CCDC80: variants seen among roughly 807,000 people sequenced by gnomAD.
CCDC80 encodes coiled-coil domain containing 80.
A neutral mutation model predicts 78.7 loss-of-function variants in CCDC80; 49 were observed. The ratio of observed to expected loss-of-function variants is 0.62; its 90% CI spans 0.50 to 0.79. The LOEUF (loss-of-function observed/expected upper bound fraction) is 0.79. CCDC80 is among the 30% of genes least tolerant of loss of function. The pLI is 0.00. For synonymous variants in CCDC80, 488 were observed against 447.0 expected, an observed-to-expected ratio of 1.09 and a Z score of -1.16; for missense variants, 1,205 against 1,198.6, an observed-to-expected ratio of 1.01 and a Z score of -0.08.
intron 3 of CCDC80, among the ~76,000 whole-genome samples, chr3:112,619,720 A>T (rs1935824267): frequency 6.6e-6 from 1 of 152,216 alleles, no homozygotes; most frequent in Non-Finnish European, 1.5e-5. Flanking sequence ...TGGAAATTTT[A>T]AATCACTATA....
chr3:112,611,145 C>T (rs913489243), intron 5 of CCDC80, among the ~76,000 whole-genome samples: 4 of 152,094 alleles, frequency 2.6e-5, no homozygotes, highest in Non-Finnish European at 5.9e-5. Flanking sequence ...GATCTCCTGA[C>T]CTGGTGATCT....
intron 7 of CCDC80, among the ~76,000 whole-genome samples, chr3:112,606,937 TA>T (rs1271877003): frequency 1.3e-5 from 2 of 152,170 alleles, no homozygotes; most frequent in Non-Finnish European, 2.9e-5. Flanking sequence ...GAAAAATGGA[TA>T]TTTTTACTGT....
chr3:112,605,543 C>T lies in CCDC80; in HGVS notation c.2727G>A (p.Leu909=). 2 of 1,614,192 alleles carry T rather than the reference C, an allele frequency of 1.2e-6. No homozygotes were observed. The highest frequency in any genetic ancestry group is 1.7e-6 in the Non-Finnish European group (2 of 1,180,030). ...RRQEMAIQQS[L]GMRCPEDEYA... is the part of the protein sequence containing the mutation. ...ACTCATCTTCTGGGCAGCGCATCCC[C>T]AGTGACTGCTGAATCGCCATTTCCT... Residue 909 remains leucine (L), a synonymous_variant, in exon 8 of 8, where the codon CTG becomes CTA. Coordinates refer to ENST00000206423, the MANE Select transcript of CCDC80 (RefSeq NM_199511.3).
At chr3:112,615,279 C>T (rs1343879395) in intron 5 of CCDC80, among the ~76,000 whole-genome samples, 1 of 152,146 alleles carries the variant, frequency 6.6e-6, no homozygotes, top group Non-Finnish European at 1.5e-5. Context: ...TGCTCTGTCT[C>T]ACATATGGAG....
Position 112,639,910 on chromosome 3 carries a change from T to C in CCDC80, c.-5A>G, listed in dbSNP as rs756890530. On this transcript the variant is annotated 5_prime_UTR_variant, in exon 2 of 8. Coordinates refer to ENST00000206423, the MANE Select transcript of CCDC80 (RefSeq NM_199511.3). ...GGGTCCCATTCTCCATGTCATTGTGTAATCCACTTTGCGATGCACGGAGGT... is the reference window on the plus strand; with the variant it reads ...GGGTCCCATTCTCCATGTCATTGTGCAATCCACTTTGCGATGCACGGAGGT... 10 of 1,611,224 alleles carry C rather than the reference T, an allele frequency of 6.2e-6. No homozygotes were observed. The highest frequency in any genetic ancestry group is 1.7e-5 in the Admixed American group (1 of 59,876).
chr3:112,616,859 C>T lies in CCDC80; in HGVS notation c.2173-1G>A. ...TTGTTATTGGTACCTCATAGTATTG[C>T]TGTTTAAGAAAAAACAGAATGCATT... On this transcript the variant is annotated splice_acceptor_variant, in intron 4 of 7. Coordinates refer to ENST00000206423, the MANE Select transcript of CCDC80 (RefSeq NM_199511.3). LOFTEE classifies it high-confidence loss of function. The T allele has an allele frequency of 6.2e-7, 1 of 1,613,082 alleles. No individual in the cohort carries two copies. The highest frequency in any genetic ancestry group is 8.5e-7 in the Non-Finnish European group (1 of 1,179,814).
rs1347269678 is a variant in CCDC80 at position 112,603,599 on chromosome 3, A to T, written c.*1818T>A. The T allele has an allele frequency of 6.7e-6, 1 of 148,322 alleles. No individual in the cohort carries two copies. Among genetic ancestry groups the T allele is most frequent in the African/African-American group, 2.5e-5 (1 of 40,574 alleles). 9.2% of individuals were successfully genotyped at this position (148,322 alleles called of 1,614,324 possible). A position where few individuals can be genotyped will look rare whatever the true frequency, so the allele number is the denominator to read the frequency against. ...ATATATAAATGATCAGTTCCAGACC[A>T]CTATAATATATATATATATAGCTGT... On this transcript the variant is annotated 3_prime_UTR_variant, in exon 8 of 8. Coordinates refer to ENST00000206423, the MANE Select transcript of CCDC80 (RefSeq NM_199511.3).
Position 112,626,796 on chromosome 3 carries a change from C to T in CCDC80, c.2035+3317G>A, listed in dbSNP as rs1421891773. On this transcript the variant is annotated intron_variant, in intron 3 of 7. Coordinates refer to ENST00000206423, the MANE Select transcript of CCDC80 (RefSeq NM_199511.3). Reference sequence around the variant, plus strand: ...CTCCTGGCCTCAAGTGATCAGCCTACGTCGGCCTCCCAAAGTATTGGGATT... The same window carrying T: ...CTCCTGGCCTCAAGTGATCAGCCTATGTCGGCCTCCCAAAGTATTGGGATT... Among the ~76,000 whole-genome samples the T allele has an allele frequency of 2.0e-5, 3 of 152,162 alleles. No individual in the cohort carries two copies. In the East Asian group the frequency reaches 5.8e-4, roughly 29 times the overall value.
chr3:112,625,958 T>G (rs1274517938), intron 3 of CCDC80, among the ~76,000 whole-genome samples: 2 of 152,236 alleles, frequency 1.3e-5, no homozygotes, highest in Non-Finnish European at 2.9e-5. Context: ...GGTCCCTCCA[T>G]TAAATCAACC....
Position 112,607,265 on chromosome 3 carries a change from AAAAAG to A in CCDC80, c.2426-14_2426-10del. On this transcript the variant is annotated splice_polypyrimidine_tract_variant and intron_variant, in intron 6 of 7. Transcript: ENST00000206423. Reference sequence around the variant, plus strand: ...GGTTATGTGGCGCAGACCTGAGAGAAAAAAGAAAACCATAGGATTAGAGGAAAGGA... The same window carrying A: ...GGTTATGTGGCGCAGACCTGAGAGAAAAAACCATAGGATTAGAGGAAAGGA... 6.2e-7 allele frequency: 1 copy of A among 1,606,280 alleles called. No homozygotes were observed. Among genetic ancestry groups the A allele is most frequent in the Non-Finnish European group, 8.5e-7 (1 of 1,177,090 alleles).
rs750652834 is a variant in CCDC80, at chr3:112,639,653, G to A, written c.253C>T (p.Leu85=). Residue 85 remains leucine (L), a synonymous_variant, in exon 2 of 8, where the codon CTA becomes TTA. Transcript: ENST00000206423. ...GCTGGCGGCTCTGTTGGGCGAGCTA[G>A]TCTCAACACGGGCACACTCCTCCTT... ...QRRRSVPVLR[L]ARPTEPPARS... 2 of 1,614,186 alleles carry A rather than the reference G, an allele frequency of 1.2e-6. No homozygotes were observed. The highest frequency in any genetic ancestry group is 2.2e-5 in the South Asian group (2 of 91,086).
intron 3 of CCDC80, among the ~76,000 whole-genome samples, chr3:112,625,416 T>C (rs1436555349): frequency 2.6e-5 from 4 of 152,236 alleles, no homozygotes; most frequent in Non-Finnish European, 5.9e-5. Context: ...ATTGGAAAGA[T>C]GCACACACAA....
intron 2 of CCDC80, among the ~76,000 whole-genome samples, chr3:112,635,306 G>C (rs1936184150): frequency 6.6e-6 from 1 of 152,244 alleles, no homozygotes; most frequent in South Asian, 2.1e-4. Context: ...CAATTTCTTG[G>C]AATGTAAACC....
At position 112,600,189 on chromosome 3, in the gene CCDC80, G is replaced by C. The variant is rs1935349297; in HGVS notation, c.*5228C>G. The C allele has an allele frequency of 6.6e-6, 1 of 152,078 alleles. No homozygotes were observed. Among genetic ancestry groups the C allele is most frequent in the Non-Finnish European group, 1.5e-5 (1 of 68,004 alleles). The allele number at this position is 152,078 out of a possible 1,614,324, so 9.4% of individuals were successfully genotyped here. On this transcript the variant is annotated 3_prime_UTR_variant, in exon 8 of 8. Coordinates refer to ENST00000206423, the MANE Select transcript of CCDC80 (RefSeq NM_199511.3). The stretch of plus-strand genomic sequence containing the variant: ...TATTTTTCCAGATTATAGGCTTTGA[G>C]GACATTCACCAATAGCATCCTCCTC...
chr3:112,604,434 C>A lies in CCDC80; in HGVS notation c.*983G>T, dbSNP rs1245601298. 6.6e-6 allele frequency: 1 copy of A among 152,162 alleles called. No homozygotes were observed. The highest frequency in any genetic ancestry group is 1.5e-5 in the Non-Finnish European group (1 of 68,036). The allele number at this position is 152,162 out of a possible 1,614,324, so 9.4% of individuals were successfully genotyped here. A position where few individuals can be genotyped will look rare whatever the true frequency, so the allele number is the denominator to read the frequency against. The stretch of plus-strand genomic sequence containing the variant: ...AATGCAAAAAGATTATGATCATTAG[C>A]AATTTTTAGCAATAAAGTATTTTTA... On this transcript the variant is annotated 3_prime_UTR_variant, in exon 8 of 8. Transcript: ENST00000206423.
At chr3:112,629,558 A>T (rs1445701254) in intron 3 of CCDC80, among the ~76,000 whole-genome samples, 1 of 151,994 alleles carries the variant, frequency 6.6e-6, no homozygotes, top group Non-Finnish European at 1.5e-5. Context: ...AATTGCGAAA[A>T]CTCTAAATTC....
At chr3:112,633,197 C>G (rs543118028) in intron 2 of CCDC80, among the ~76,000 whole-genome samples, 44 of 152,174 alleles carry the variant, frequency 2.9e-4, no homozygotes, top group African/African-American at 1.0e-3. Flanking sequence ...TTGATTTATT[C>G]TTAATAAATA....
intron 3 of CCDC80, among the ~76,000 whole-genome samples, chr3:112,626,223 A>C (rs1393164101): frequency 6.6e-6 from 1 of 152,200 alleles, no homozygotes; most frequent in African/African-American, 2.4e-5. Context: ...ATGATTGATA[A>C]GTAAAGACTT....
At chr3:112,633,615 TC>T (rs1456768673) in intron 2 of CCDC80, among the ~76,000 whole-genome samples, 2 of 152,044 alleles carry the variant, frequency 1.3e-5, no homozygotes, top group Non-Finnish European at 2.9e-5. Flanking sequence ...AATAAAGGGG[TC>T]CCCTGGTTGT....
Sources: allele counts gnomAD v4.1 joint callset (sites outside exome capture counted in the v4.1 genomes callset), GRCh38; gene constraint gnomAD v4.1.1; transcripts MANE v1.5; gene names NCBI Gene and HGNC (gene_info 2026-07-23, HGNC 2026-07-21).